CAMTA1: variants seen among roughly 807,000 people sequenced by gnomAD.
CAMTA1 encodes the protein calmodulin binding transcription activator 1, also known as calmodulin-binding transcription activator 1.
In CAMTA1, 27 loss-of-function variants were observed where a neutral mutation model predicts 170.9. The ratio of observed to expected loss-of-function variants is 0.16; its 90% confidence interval spans 0.12 to 0.22. CAMTA1 has a LOEUF of 0.22. Ranked by LOEUF, CAMTA1 falls within the 10% of genes least tolerant of loss-of-function variation. The probability of loss-of-function intolerance (pLI) is 1.00; values close to 1 mark genes in which losing one functional copy is unlikely to be tolerated. For missense variants in CAMTA1, 1,619 were observed against 2,217.2 expected (o/e 0.73, Z 5.42); for synonymous variants, 833 against 891.5 (o/e 0.93, Z 1.17).
intron 3 of CAMTA1, among the ~76,000 whole-genome samples, chr1:6,884,782 CGCAGTCTAA>C (rs1276572191): frequency 6.6e-6 from 1 of 152,166 alleles, no homozygotes; most frequent in African/African-American, 2.4e-5. Context: ...CCTGGGAATG[CGCAGTCTAA>C]GCAGTCTAGA....
chr1:7,116,658 T>C lies in CAMTA1; in HGVS notation c.302+25287T>C, dbSNP rs529894521. On this transcript the variant is annotated intron_variant, in intron 4 of 22. Coordinates refer to ENST00000303635, the MANE Select transcript of CAMTA1 (RefSeq NM_015215.4). Reference sequence around the variant, plus strand: ...TTAGTTTTCTTTTCTTTCTTTCTTTTTTTTTTTTTTATGGAGTCTCTCTCT... The same window carrying C: ...TTAGTTTTCTTTTCTTTCTTTCTTTCTTTTTTTTTTATGGAGTCTCTCTCT... Among the ~76,000 whole-genome samples, 19 of 151,560 alleles carry C rather than the reference T, an allele frequency of 1.3e-4. No homozygotes were observed. In the East Asian group the frequency reaches 2.5e-3, roughly 20 times the overall value.
chr1:7,525,168 C>T (rs2094416452), intron 6 of CAMTA1, among the ~76,000 whole-genome samples: 1 of 152,218 alleles, frequency 6.6e-6, no homozygotes, highest in South Asian at 2.1e-4. Flanking sequence ...CTCTGCTCTA[C>T]CATTTTCCTT....
intron 3 of CAMTA1, among the ~76,000 whole-genome samples, chr1:7,005,432 A>T (rs989884583): frequency 6.6e-6 from 1 of 152,000 alleles, no homozygotes; most frequent in Admixed American, 6.6e-5. Flanking sequence ...TCATGTATTA[A>T]TTTCTCCCCC....
intron 3 of CAMTA1, among the ~76,000 whole-genome samples, chr1:6,925,786 C>T (rs1682967037): frequency 6.6e-6 from 1 of 152,220 alleles, no homozygotes; most frequent in Non-Finnish European, 1.5e-5. Context: ...TCCCAAGAGG[C>T]ATCTCCATTC....
At position 7,300,685 on chromosome 1, in the gene CAMTA1, A is replaced by AG. The variant is rs1439539146; in HGVS notation, c.438+51059_438+51060insG. Among the ~76,000 whole-genome samples the AG allele has an allele frequency of 1.3e-5, 2 of 152,180 alleles. No individual in the cohort carries two copies. Among genetic ancestry groups the AG allele is most frequent in the Non-Finnish European group, 2.9e-5 (2 of 68,038 alleles). ...AAGAGCAAAACTCTGTCTCAAAAAA[A>AG]AAAAAATTGTATAGATATTGATTAA... On this transcript the variant is annotated intron_variant, in intron 5 of 22. Coordinates refer to ENST00000303635, the MANE Select transcript of CAMTA1 (RefSeq NM_015215.4). This position sits in a 1 kb window ranked among gnomAD's most constrained non-coding sequence, Gnocchi z 4.1.
chr1:7,087,775 C>T (rs1184835505), intron 3 of CAMTA1, among the ~76,000 whole-genome samples: 3 of 152,230 alleles, frequency 2.0e-5, no homozygotes, highest in Non-Finnish European at 4.4e-5. Flanking sequence ...TAGGGCAGTA[C>T]CTCCACCACC....
chr1:7,586,363 A>G lies in CAMTA1; in HGVS notation c.511-54037A>G, dbSNP rs573608405. On this transcript the variant is annotated intron_variant, in intron 6 of 22. Coordinates refer to ENST00000303635, the MANE Select transcript of CAMTA1 (RefSeq NM_015215.4). ...TCCCCGTTATCGCAGAAGGCGCCTTATCTGCGCTCCCCAGAGGCCCGAGAT... is the reference window on the plus strand; with the variant it reads ...TCCCCGTTATCGCAGAAGGCGCCTTGTCTGCGCTCCCCAGAGGCCCGAGAT... Among the ~76,000 whole-genome samples the G allele has an allele frequency of 5.7e-4, 87 of 152,310 alleles. 1 individual carries two copies. Among genetic ancestry groups the G allele is most frequent in the African/African-American group, 2.0e-3 (85 of 41,532 alleles).
At position 7,037,969 on chromosome 1, in the gene CAMTA1, C is replaced by T. The variant is rs572938106; in HGVS notation, c.235-53335C>T. 7.5e-5 allele frequency among the ~76,000 whole-genome samples: 11 copies of T among 147,380 alleles called. No individual in the cohort carries two copies. The East Asian group carries it at 1.8e-3, about 24-fold the overall frequency. On this transcript the variant is annotated intron_variant, in intron 3 of 22. Coordinates refer to ENST00000303635, the MANE Select transcript of CAMTA1 (RefSeq NM_015215.4). ...ACACAATGGTTAAAATTACTGGCTT[C>T]GGAGTGAAATTGCTATTTTCCAGCT...
chr1:7,436,253 C>G (rs984151993), intron 5 of CAMTA1, among the ~76,000 whole-genome samples: 10 of 152,154 alleles, frequency 6.6e-5, no homozygotes, highest in Non-Finnish European at 1.3e-4. Context: ...CTGGGAGATG[C>G]CCTGCGTGCC....
At chr1:6,986,583 T>C (rs897261839) in intron 3 of CAMTA1, among the ~76,000 whole-genome samples, 1 of 152,078 alleles carries the variant, frequency 6.6e-6, no homozygotes. Flanking sequence ...TTTAGGTGAT[T>C]TGTCAACCAT....
chr1:6,904,733 ATTTTTTTTT>A (rs70984036), intron 3 of CAMTA1, among the ~76,000 whole-genome samples: 27 of 70,992 alleles, frequency 3.8e-4, no homozygotes, highest in East Asian at 1.5e-3. Context: ...TGCCCAGCTA[ATTTTTTTTT>A]TTTTTTTTTT....
chr1:7,120,660 G>T (rs1317672819), intron 4 of CAMTA1, among the ~76,000 whole-genome samples: 1 of 152,166 alleles, frequency 6.6e-6, no homozygotes. Flanking sequence ...AAGAGGTAGG[G>T]ATAACGCAGG....
chr1:6,790,644 C>G (rs1205288009), intron 1 of CAMTA1, among the ~76,000 whole-genome samples: 1 of 152,092 alleles, frequency 6.6e-6, no homozygotes, highest in Non-Finnish European at 1.5e-5. Flanking sequence ...GTATGAGCTG[C>G]TGTTACATTT....
At chr1:7,349,079 G>A (rs984507407) in intron 5 of CAMTA1, among the ~76,000 whole-genome samples, 5 of 152,098 alleles carry the variant, frequency 3.3e-5, no homozygotes, top group African/African-American at 7.2e-5. Flanking sequence ...TTGTGTCCCC[G>A]TGCTATGGGC....
chr1:7,621,891 C>T (rs1254717359), intron 6 of CAMTA1, among the ~76,000 whole-genome samples: 3 of 152,196 alleles, frequency 2.0e-5, no homozygotes, highest in Non-Finnish European at 4.4e-5. Flanking sequence ...GGCCACGTCT[C>T]GGCTCCCTGG....
chr1:7,322,953 C>CCCCTT (rs901397675), intron 5 of CAMTA1, among the ~76,000 whole-genome samples: 3 of 122,478 alleles, frequency 2.4e-5, no homozygotes, highest in Admixed American at 8.4e-5. Context: ...TCCCTCCCCT[C>CCCCTT]CCCTCCCCTT....
At chr1:7,659,710 T>C (rs1312171503) in intron 7 of CAMTA1, among the ~76,000 whole-genome samples, 1 of 143,874 alleles carries the variant, frequency 7.0e-6, no homozygotes, top group Admixed American at 7.2e-5. Context: ...CCAGTCCCCA[T>C]AGCATCGGCC....
At position 7,736,317 on chromosome 1, in the gene CAMTA1, G is replaced by T. The variant is rs745468272; in HGVS notation, c.3067-27G>T. 2.1e-5 allele frequency: 34 copies of T among 1,606,718 alleles called. No homozygotes were observed. Among genetic ancestry groups the T allele is most frequent in the Non-Finnish European group, 2.9e-5 (34 of 1,175,832 alleles). ...GGGGTCGAGGGCCTTTAGTCCTGAG[G>T]TCGTAACGTGCGCTTTTTTGTGACA... On this transcript the variant is annotated intron_variant, in intron 12 of 22. Transcript: ENST00000303635. This position sits in a 1 kb window ranked among gnomAD's most constrained non-coding sequence, Gnocchi z 4.5.
intron 3 of CAMTA1, among the ~76,000 whole-genome samples, chr1:6,869,863 CT>C (rs1482661290): frequency 6.6e-6 from 1 of 152,108 alleles, no homozygotes; most frequent in Non-Finnish European, 1.5e-5. Flanking sequence ...GTGTCTGAAA[CT>C]TTTGGCAGAG....
Sources: allele counts gnomAD v4.1 joint callset (sites outside exome capture counted in the v4.1 genomes callset), GRCh38; gene constraint gnomAD v4.1.1; non-coding constraint Gnocchi (gnomAD v3.1); transcripts MANE v1.5; gene names NCBI Gene and HGNC (gene_info 2026-07-23, HGNC 2026-07-21).